CANT1: variants seen among roughly 807,000 people sequenced by gnomAD.
The protein encoded by CANT1 is calcium activated nucleotidase 1, also known as soluble calcium-activated nucleotidase 1.
A neutral mutation model predicts 30.0 loss-of-function variants in CANT1; 26 were observed. The observed-to-expected ratio is 0.87, with a 90% CI of 0.64 to 1.20. The LOEUF is 1.20. Among genes scored for constraint, CANT1 ranks in the 50% most tolerant of loss-of-function variants. CANT1 has a pLI of 0.00. For missense variants in CANT1, 518 were observed against 563.0 expected, an observed-to-expected ratio of 0.92 and a Z score of 0.81; for synonymous variants, 246 against 251.8, an observed-to-expected ratio of 0.98 and a Z score of 0.22.
Position 78,997,231 on chromosome 17 carries a change from T to C in CANT1, c.392A>G (p.Lys131Arg). The C allele has an allele frequency of 6.2e-7, 1 of 1,614,146 alleles. No homozygotes were observed. Among genetic ancestry groups the C allele is most frequent in the East Asian group, 2.2e-5 (1 of 44,878 alleles). ...EENTWFSYLK[K>R]GYLTLSDSGD... The stretch of plus-strand genomic sequence containing the variant: ...ACTGTCTGACAGGGTCAGGTAGCCC[T>C]TTTTCAGGTAACTGAACCAGGTGTT... Residue 131 changes from lysine (K) to arginine (R), a missense_variant, in exon 3 of 5, where the codon AAG becomes AGG. Lys to Arg is a conservative substitution (Grantham distance 26, BLOSUM62 2). Transcript: ENST00000392446. This position sits in a 1 kb window ranked among gnomAD's most constrained non-coding sequence, Gnocchi z 7.5.
chr17:79,001,283 G>A (rs180873485), intron 1 of CANT1, among the ~76,000 whole-genome samples: 195 of 152,152 alleles, frequency 1.3e-3, no homozygotes, highest in African/African-American at 3.4e-3. Flanking sequence ...TCAAATCTCC[G>A]GCCCACTTCT....
Position 78,992,732 on chromosome 17 carries a change from G to GCCAC in CANT1, c.*814_*817dup. 1 of 596,016 alleles carries GCCAC rather than the reference G, an allele frequency of 1.7e-6. No homozygotes were observed. Among genetic ancestry groups the GCCAC allele is most frequent in the South Asian group, 1.4e-5 (1 of 71,770 alleles). 36.9% of individuals were successfully genotyped at this position (596,016 alleles called of 1,614,324 possible). On this transcript the variant is annotated 3_prime_UTR_variant, in exon 5 of 5. Coordinates refer to ENST00000392446, the MANE Select transcript of CANT1 (RefSeq NM_001159773.2). ...ACATGTGAGACTTGCTTCACCAGCC[G>GCCAC]CCACCGCTTCCTTACAATCTCCCGC...
In CANT1 at chr17:78,992,450, C is replaced by G. The variant is rs1403712666; in HGVS notation, c.*1100G>C. On this transcript the variant is annotated 3_prime_UTR_variant, in exon 5 of 5. Coordinates refer to ENST00000392446, the MANE Select transcript of CANT1 (RefSeq NM_001159773.2). ...CACTCTGCCTTCACCCTGGAGTACA[C>G]TCCAGCGAAGCCGAGGCCCAGCCAA... 7.4e-5 allele frequency: 28 copies of G among 376,058 alleles called. No individual in the cohort carries two copies. In the East Asian group the frequency reaches 1.2e-3, roughly 17 times the overall value. 23.3% of individuals were successfully genotyped at this position (376,058 alleles called of 1,614,324 possible). A position where few individuals can be genotyped will look rare whatever the true frequency, so the allele number is the denominator to read the frequency against.
chr17:78,992,256 G>A lies in CANT1; in HGVS notation c.*1294C>T, dbSNP rs908114312. The A allele has an allele frequency of 3.0e-5, 7 of 234,944 alleles. No individual in the cohort carries two copies. The highest frequency in any genetic ancestry group is 1.6e-4 in the Admixed American group (3 of 18,388). 14.6% of individuals were successfully genotyped at this position (234,944 alleles called of 1,614,324 possible). Reference sequence around the variant, plus strand: ...GAGGTTTGTGAGGGACCGGCACAGGGACAGCCAGAGCCGGCACCCTCCGGC... The same window carrying A: ...GAGGTTTGTGAGGGACCGGCACAGGAACAGCCAGAGCCGGCACCCTCCGGC... On this transcript the variant is annotated 3_prime_UTR_variant, in exon 5 of 5. Transcript: ENST00000392446.
intron 1 of CANT1, among the ~76,000 whole-genome samples, chr17:79,006,897 A>C (rs1599255322): frequency 6.6e-6 from 1 of 152,126 alleles, no homozygotes; most frequent in African/African-American, 2.4e-5. Flanking sequence ...CCGGGACACA[A>C]AGGCCGAATC....
At position 78,993,813 on chromosome 17, in the gene CANT1, T is replaced by C; in HGVS notation, c.943A>G (p.Lys315Glu). Reference sequence around the variant, plus strand: ...GCGCTCAGCAGCAGGTTGGCGCCCTTGCGCTCGTCGTCCTTCTCGCTGTAG... The same window carrying C: ...GCGCTCAGCAGCAGGTTGGCGCCCTCGCGCTCGTCGTCCTTCTCGCTGTAG... ...ERYSEKDDER[K>E]GANLLLSASP... The change falls in exon 5 of 5, where the codon AAG becomes GAG. Residue 315 changes from lysine (K) to glutamate (E), a missense_variant. Lys to Glu is a moderately conservative substitution (Grantham distance 56). This residue lies in a region of CANT1 where 221 missense variants were observed against 211.8 expected (regional missense o/e 1.04). Coordinates refer to ENST00000392446, the MANE Select transcript of CANT1 (RefSeq NM_001159773.2). The surrounding 1 kb of genome is among the most constrained non-coding windows in gnomAD (Gnocchi z 4.5). 1 of 1,607,996 alleles carries C rather than the reference T, an allele frequency of 6.2e-7. No individual in the cohort carries two copies. The highest frequency in any genetic ancestry group is 1.1e-5 in the South Asian group (1 of 91,016).
Position 78,993,581 on chromosome 17 carries a change from C to T in CANT1, c.1175G>A (p.Ser392Asn). The change falls in exon 5 of 5, where the codon AGC (serine) becomes AAC (asparagine). Residue 392 changes from serine to asparagine, a missense_variant. Physicochemically the swap from Ser to Asn is conservative, Grantham distance 46. Transcript: ENST00000392446. The surrounding 1 kb of genome is among the most constrained non-coding windows in gnomAD (Gnocchi z 4.5). The part of the protein sequence containing the change: ...RFLLPETKIG[S>N]VKYEGIEFI Reference sequence around the variant, plus strand: ...GAACTCGATGCCTTCGTATTTCACGCTTCCGATCTTGGTCTCCGGCAACAG... The same window carrying T: ...GAACTCGATGCCTTCGTATTTCACGTTTCCGATCTTGGTCTCCGGCAACAG... The T allele has an allele frequency of 1.9e-6, 3 of 1,614,270 alleles. No individual in the cohort carries two copies. The highest frequency in any genetic ancestry group is 2.5e-6 in the Non-Finnish European group (3 of 1,180,060).
intron 1 of CANT1, among the ~76,000 whole-genome samples, chr17:79,009,258 TC>T (rs1489158611): frequency 7.4e-6 from 1 of 135,248 alleles, no homozygotes; most frequent in Non-Finnish European, 1.6e-5. Flanking sequence ...AAGGGGGGTG[TC>T]CCACACTAAT....
At chr17:79,001,983 G>A (rs1473467932) in intron 1 of CANT1, among the ~76,000 whole-genome samples, 1 of 151,662 alleles carries the variant, frequency 6.6e-6, no homozygotes, top group Non-Finnish European at 1.5e-5. Flanking sequence ...AGCCCCACGT[G>A]TCCCACCCAG....
At chr17:79,009,308 GCCCACACTAATCAGAGGGGAATGGTC>G (rs931612357) in intron 1 of CANT1, among the ~76,000 whole-genome samples, 2 of 151,126 alleles carry the variant, frequency 1.3e-5, no homozygotes, top group African/African-American at 4.9e-5. Flanking sequence ...GGGGGGAGGT[GCCCACACTAATCAGAGGGGAATGGTC>G]CCCACACTAA....
At chr17:79,009,238 A>C (rs1260465743) in intron 1 of CANT1, among the ~76,000 whole-genome samples, 1 of 149,620 alleles carries the variant, frequency 6.7e-6, no homozygotes, top group African/African-American at 2.5e-5. Flanking sequence ...ATGGTCCCCA[A>C]ACTAATTAGA....
In CANT1 at chr17:78,993,929, C is replaced by G; in HGVS notation, c.836-9G>C. 1 of 1,562,466 alleles carries G rather than the reference C, an allele frequency of 6.4e-7. No individual in the cohort carries two copies. Among genetic ancestry groups the G allele is most frequent in the Non-Finnish European group, 8.6e-7 (1 of 1,161,786 alleles). ...CTCATGGATGAGGTAGCCTGGGAAC[C>G]GGGTGACCGCGGGTCAGACACGCAT... On this transcript the variant is annotated splice_polypyrimidine_tract_variant and intron_variant, in intron 4 of 4. Transcript: ENST00000392446. This position sits in a 1 kb window ranked among gnomAD's most constrained non-coding sequence, Gnocchi z 4.5.
Position 78,991,871 on chromosome 17 carries a change from G to A in CANT1, c.*1679C>T. The A allele has an allele frequency of 4.3e-6, 1 of 231,372 alleles. No individual in the cohort carries two copies. The highest frequency in any genetic ancestry group is 8.6e-6 in the Non-Finnish European group (1 of 116,934). 14.3% of individuals were successfully genotyped at this position (231,372 alleles called of 1,614,324 possible). On this transcript the variant is annotated 3_prime_UTR_variant, in exon 5 of 5. Transcript: ENST00000392446. Reference sequence around the variant, plus strand: ...CTGCCTATGCGAAGAGGCTGCTTCCGGGCACCTGGGCTGTGACTCAGGTGC... The same window carrying A: ...CTGCCTATGCGAAGAGGCTGCTTCCAGGCACCTGGGCTGTGACTCAGGTGC...
intron 4 of CANT1, among the ~76,000 whole-genome samples, chr17:78,994,705 C>T (rs893483188): frequency 4.5e-4 from 69 of 152,148 alleles, no homozygotes; most frequent in African/African-American, 1.6e-3. Context: ...ACCAGATCAC[C>T]CGAAGTCAGG....
chr17:79,007,049 T>C (rs1263656189), intron 1 of CANT1, among the ~76,000 whole-genome samples: 1 of 152,174 alleles, frequency 6.6e-6, no homozygotes, highest in African/African-American at 2.4e-5. Context: ...TCACTTCCCA[T>C]AAAACCATCC....
intron 1 of CANT1, 120 bp downstream of exon 1, chr17:79,009,544 G>T (rs1237867750): frequency 6.6e-6 from 1 of 152,478 alleles, no homozygotes; most frequent in Non-Finnish European, 1.5e-5. Flanking sequence ...GACGGGAAGG[G>T]GGCCTGACGG....
Position 78,997,412 on chromosome 17 carries a change from T to C in CANT1, c.211A>G (p.Thr71Ala), listed in dbSNP as rs1049705256. 7.6e-7 allele frequency: 1 copy of C among 1,320,598 alleles called. No individual in the cohort carries two copies. The highest frequency in any genetic ancestry group is 1.0e-6 in the Non-Finnish European group (1 of 1,004,214). 81.8% of individuals were successfully genotyped at this position (1,320,598 alleles called of 1,614,324 possible). The change falls in exon 3 of 5, where the codon ACC becomes GCC. Residue 71 changes from threonine to alanine, a missense_variant. Transcript: ENST00000392446. This position sits in a 1 kb window ranked among gnomAD's most constrained non-coding sequence, Gnocchi z 7.5. ...AGCCTCCAGTTGTGTGCATTGTGGG[T>C]GGGGGGCCTGCCGGGGGCCGGGCGG... The part of the protein sequence containing the change: ...SHRPAPGRPP[T>A]HNAHNWRLGQ...
chr17:79,003,468 C>G (rs1417741655), intron 1 of CANT1, among the ~76,000 whole-genome samples: 1 of 150,930 alleles, frequency 6.6e-6, no homozygotes, highest in East Asian at 2.0e-4. Context: ...GGTGGGGGGG[C>G]TCTTTTGTTT....
In CANT1 at chr17:78,997,910, T is replaced by C. The variant is rs1417522209; in HGVS notation, c.-93A>G. ...ATCTCCCCTGTCCCAGCTGGCAACGTGGGAAGCTGAGTGAGGAAGGAAGTT... is the reference window on the plus strand; with the variant it reads ...ATCTCCCCTGTCCCAGCTGGCAACGCGGGAAGCTGAGTGAGGAAGGAAGTT... On this transcript the variant is annotated 5_prime_UTR_variant, in exon 2 of 5. Transcript: ENST00000392446. This position sits in a 1 kb window ranked among gnomAD's most constrained non-coding sequence, Gnocchi z 7.5. 2.6e-6 allele frequency: 1 copy of C among 386,002 alleles called. No individual in the cohort carries two copies. The highest frequency in any genetic ancestry group is 4.0e-5 in the East Asian group (1 of 25,172). 23.9% of individuals were successfully genotyped at this position (386,002 alleles called of 1,614,324 possible).
Sources: allele counts gnomAD v4.1 joint callset (sites outside exome capture counted in the v4.1 genomes callset), GRCh38; gene constraint gnomAD v4.1.1; regional missense constraint gnomAD v4.1.1; non-coding constraint Gnocchi (gnomAD v3.1); transcripts MANE v1.5; gene names NCBI Gene and HGNC (gene_info 2026-07-23, HGNC 2026-07-21).